Variants in ACP2 observed in about 807,000 individuals in gnomAD.
ACP2 encodes acid phosphatase 2, lysosomal.
Under a neutral mutation model 54.7 loss-of-function variants are expected in ACP2, and 35 were observed. The ratio of observed to expected loss-of-function variants is 0.64; its 90% confidence interval spans 0.49 to 0.85. The LOEUF is 0.85. Among genes scored for constraint, ACP2 ranks in the 40% least tolerant of loss-of-function variants. The pLI is 0.00. For synonymous variants in ACP2, 210 were observed against 224.4 expected (o/e 0.94, Z 0.57); for missense variants, 492 against 565.0 (o/e 0.87, Z 1.31).
rs1210268480 is a variant in ACP2, at chr11:47,239,429, G to A, written c.*687C>T. 5.8e-6 allele frequency: 1 copy of A among 172,540 alleles called. No homozygotes were observed. The highest frequency in any genetic ancestry group is 1.3e-5 in the Non-Finnish European group (1 of 79,592). 10.7% of individuals were successfully genotyped at this position (172,540 alleles called of 1,614,324 possible). Reference sequence around the variant, plus strand: ...GTAGCTCAGGTCCCTGGAGACCCCAGCCCAGCTGAGGGAGAGCAGTTTCCT... The same window carrying A: ...GTAGCTCAGGTCCCTGGAGACCCCAACCCAGCTGAGGGAGAGCAGTTTCCT... On this transcript the variant is annotated 3_prime_UTR_variant, in exon 11 of 11. Transcript: ENST00000672073.
Position 47,245,679 on chromosome 11 carries a change from T to C in ACP2, c.450+3A>G, listed in dbSNP as rs1287311764. The C allele has an allele frequency of 1.2e-6, 2 of 1,613,286 alleles. No homozygotes were observed. Among genetic ancestry groups the C allele is most frequent in the Non-Finnish European group, 1.7e-6 (2 of 1,179,336 alleles). On this transcript the variant is annotated splice_donor_region_variant and intron_variant, in intron 4 of 10. Coordinates refer to ENST00000672073, the MANE Select transcript of ACP2 (RefSeq NM_001610.4). Reference sequence around the variant, plus strand: ...ACCCCAGGGAAGGGCTGGCCACTCTTACCCTGTCCTCAGTGATGGGCACAG... The same window carrying C: ...ACCCCAGGGAAGGGCTGGCCACTCTCACCCTGTCCTCAGTGATGGGCACAG...
intron 7 of ACP2, among the ~76,000 whole-genome samples, chr11:47,243,916 C>T (rs572923444): frequency 6.6e-6 from 1 of 152,134 alleles, no homozygotes; most frequent in East Asian, 1.9e-4. Flanking sequence ...GCGGGCAGAT[C>T]ACCAGAGGTC....
intron 7 of ACP2, 70 bp downstream of exon 7, chr11:47,244,665 G>T: frequency 1.6e-6 from 2 of 1,236,848 alleles, no homozygotes; most frequent in Non-Finnish European, 2.2e-6. Flanking sequence ...TGTGTGAGAA[G>T]CCCCCACAGC....
chr11:47,245,477 A>G lies in ACP2; in HGVS notation c.546T>C (p.Asn182=). 3 of 1,614,238 alleles carry G rather than the reference A, an allele frequency of 1.9e-6. No individual in the cohort carries two copies. The highest frequency in any genetic ancestry group is 2.5e-6 in the Non-Finnish European group (3 of 1,180,036). ...TPEYQNESSR[N]AQFLDMVANE... is the part of the protein sequence containing the mutation. ...CTGCACCTCTGCCCCCACTCACTGC[A>G]TTCCGAGAACTCTCATTCTGATACT... The change falls in exon 5 of 11, where the codon AAT becomes AAC. Residue 182 remains asparagine (N), a synonymous_variant. Coordinates refer to ENST00000672073, the MANE Select transcript of ACP2 (RefSeq NM_001610.4).
chr11:47,248,617 C>A, intron 1 of ACP2, 59 bp downstream of exon 1: 2 of 1,564,794 alleles, frequency 1.3e-6, no homozygotes, highest in Non-Finnish European at 1.7e-6. Flanking sequence ...CGACCTCCAC[C>A]AGCTGGCCTT....
At chr11:47,248,212 T>G in intron 1 of ACP2, 79 bp from the exon 2 acceptor site, 1 of 1,388,966 alleles carries the variant, frequency 7.2e-7, no homozygotes, top group Non-Finnish European at 9.8e-7. Context: ...TTGCCCCATG[T>G]TAGGGAAGGA....
At position 47,240,016 on chromosome 11, in the gene ACP2, C is replaced by G; in HGVS notation, c.*100G>C. The G allele has an allele frequency of 1.4e-6, 2 of 1,395,128 alleles. No homozygotes were observed. Among genetic ancestry groups the G allele is most frequent in the Non-Finnish European group, 1.9e-6 (2 of 1,029,160 alleles). 86.4% of individuals were successfully genotyped at this position (1,395,128 alleles called of 1,614,324 possible). On this transcript the variant is annotated 3_prime_UTR_variant, in exon 11 of 11. Coordinates refer to ENST00000672073, the MANE Select transcript of ACP2 (RefSeq NM_001610.4). Reference sequence around the variant, plus strand: ...CTGGGGTCATCAGAGGGAGGCCCAACCCAGGATCTCCTGTCCATGGGCTGG... The same window carrying G: ...CTGGGGTCATCAGAGGGAGGCCCAAGCCAGGATCTCCTGTCCATGGGCTGG...
intron 10 of ACP2, among the ~76,000 whole-genome samples, chr11:47,242,435 C>A (rs529410672): frequency 2.7e-4 from 41 of 152,072 alleles, no homozygotes; most frequent in African/African-American, 9.2e-4. Context: ...AGGAGAGAAC[C>A]CAAGTGCGGG....
At chr11:47,245,205 A>G (rs1437036098) in intron 6 of ACP2, 100 bp downstream of exon 6, 13 of 1,302,426 alleles carry the variant, frequency 1.0e-5, no homozygotes, top group Non-Finnish European at 1.4e-5. Flanking sequence ...GGACCTCCCC[A>G]GGGGCGTGAC....
rs193294835 is a variant in ACP2, at chr11:47,244,717, G to C, written c.772+18C>G. 1.3e-6 allele frequency: 2 copies of C among 1,585,028 alleles called. No homozygotes were observed. Among genetic ancestry groups the C allele is most frequent in the East Asian group, 2.2e-5 (1 of 44,452 alleles). On this transcript the variant is annotated intron_variant, in intron 7 of 10. Transcript: ENST00000672073. Reference sequence around the variant, plus strand: ...AGGGTCCTGAGGAGTAGAGTGACACGCTGTCCTTGTCACTCACCCCCCTGA... The same window carrying C: ...AGGGTCCTGAGGAGTAGAGTGACACCCTGTCCTTGTCACTCACCCCCCTGA...
At chr11:47,245,172 T>C (rs1172080330) in intron 6 of ACP2, 133 bp downstream of exon 6, 2 of 1,061,362 alleles carry the variant, frequency 1.9e-6, no homozygotes, top group Admixed American at 1.7e-5. Context: ...GAAGTTCCCG[T>C]GTTTCACAAG....
At chr11:47,248,523 G>T in intron 1 of ACP2, 153 bp downstream of exon 1, 8 of 1,551,312 alleles carry the variant, frequency 5.2e-6, no homozygotes, top group Non-Finnish European at 6.1e-6. Context: ...ATAAGCCAGG[G>T]CTCCAGGTCA....
chr11:47,247,304 A>C (rs1442200872), intron 3 of ACP2: 3 of 401,156 alleles, frequency 7.5e-6, no homozygotes, highest in Non-Finnish European at 1.4e-5. Flanking sequence ...TATGGTGCAC[A>C]ACTGAATGCA....
chr11:47,248,143 T>G lies in ACP2; in HGVS notation c.115-10A>C. 1 of 1,591,018 alleles carries G rather than the reference T, an allele frequency of 6.3e-7. No individual in the cohort carries two copies. Among genetic ancestry groups the G allele is most frequent in the South Asian group, 1.1e-5 (1 of 86,958 alleles). On this transcript the variant is annotated splice_polypyrimidine_tract_variant and intron_variant, in intron 1 of 10. Coordinates refer to ENST00000672073, the MANE Select transcript of ACP2 (RefSeq NM_001610.4). Reference sequence around the variant, plus strand: ...CTCCATGGCGGTACAGCTGAGAGAATAAAATGGTTTGCCTATAGGTCAGAA... The same window carrying G: ...CTCCATGGCGGTACAGCTGAGAGAAGAAAATGGTTTGCCTATAGGTCAGAA...
intron 3 of ACP2, 37 bp from the exon 4 acceptor site, chr11:47,245,871 T>C (rs756216169): frequency 3.9e-6 from 6 of 1,524,760 alleles, no homozygotes; most frequent in Non-Finnish European, 4.4e-6. Flanking sequence ...TGTGTGTGTG[T>C]GTGTGTGTGT....
Position 47,243,273 on chromosome 11 carries a change from G to A in ACP2, c.821C>T (p.Thr274Ile). 7 of 1,614,244 alleles carry A rather than the reference G, an allele frequency of 4.3e-6. No homozygotes were observed. Among genetic ancestry groups the A allele is most frequent in the Non-Finnish European group, 4.2e-6 (5 of 1,180,048 alleles). The change falls in exon 8 of 11, where the codon ACC becomes ATC. Residue 274 changes from threonine (T) to isoleucine (I), a missense_variant. Coordinates refer to ENST00000672073, the MANE Select transcript of ACP2 (RefSeq NM_001610.4). ...AACCAGCAGCTTGGGGAGCTGGGAG[G>A]TGGTCGCCATTAGGGTCAGGTTCTT... Reference protein sequence around the residue: ...IRKNLTLMATTSQLPKLLVYS... With the variant: ...IRKNLTLMATISQLPKLLVYS...
intron 6 of ACP2, 150 bp from the exon 7 acceptor site, chr11:47,245,017 G>A (rs1319747646): frequency 4.5e-5 from 62 of 1,388,036 alleles, no homozygotes; most frequent in East Asian, 2.7e-4. Flanking sequence ...CATGGCAGGC[G>A]GTGTGGATGC....
Position 47,242,900 on chromosome 11 carries a change from T to C in ACP2, c.963-2A>G. On this transcript the variant is annotated splice_acceptor_variant, in intron 9 of 10. Transcript: ENST00000672073. LOFTEE classifies it high-confidence loss of function. ...AAGTACATCTCCACTGAGAAATTCCTGAGGGTCGACAGGAGGCAACATGGG... is the reference window on the plus strand; with the variant it reads ...AAGTACATCTCCACTGAGAAATTCCCGAGGGTCGACAGGAGGCAACATGGG... 2 of 1,610,452 alleles carry C rather than the reference T, an allele frequency of 1.2e-6. No individual in the cohort carries two copies. Among genetic ancestry groups the C allele is most frequent in the Non-Finnish European group, 1.7e-6 (2 of 1,177,004 alleles).
Position 47,245,316 on chromosome 11 carries a change from G to C in ACP2, c.628C>G (p.Leu210Val). The change falls in exon 6 of 11, where the codon CTC (leucine) becomes GTC (valine). Residue 210 changes from leucine (L) to valine (V), a missense_variant. Coordinates refer to ENST00000672073, the MANE Select transcript of ACP2 (RefSeq NM_001610.4). The part of the protein sequence containing the change: ...LETVWNVYDT[L>V]FCEQTHGLRL... ...CCTAGTGGGCTCACCTCACAGAAGA[G>C]TGTGTCATAGACATTCCAGACGGTC... 4.3e-6 allele frequency: 7 copies of C among 1,614,122 alleles called. No individual in the cohort carries two copies. The highest frequency in any genetic ancestry group is 5.9e-6 in the Non-Finnish European group (7 of 1,180,022).
Sources: gnomAD v4.1 joint callset for allele counts (sites outside exome capture counted in the v4.1 genomes callset) on GRCh38, gnomAD v4.1.1 for gene constraint, MANE v1.5 for transcripts, NCBI Gene and HGNC (gene_info 2026-07-23, HGNC 2026-07-21) for gene names.